The following DMRT1 variants were observed in gnomAD, a reference collection of about 807,000 sequenced individuals.
DMRT1 encodes the protein doublesex and mab-3 related transcription factor 1.
DMRT1 carries 7 observed loss-of-function variants against 32.3 expected under a neutral mutation model. That is an observed-to-expected ratio of 0.22 (90% CI 0.12 to 0.41). The LOEUF (loss-of-function observed/expected upper bound fraction) is 0.41, where lower values mean the gene tolerates loss of function less well. DMRT1 is among the 10% of genes least tolerant of loss of function. The probability of loss-of-function intolerance (pLI) is 1.00; values close to 1 mark genes in which losing one functional copy is unlikely to be tolerated. For missense variants in DMRT1, 625 were observed against 500.5 expected (o/e 1.25, Z -2.37); for synonymous variants, 278 against 206.1 (o/e 1.35, Z -2.99).
intron 3 of DMRT1, among the ~76,000 whole-genome samples, chr9:905,285 A>G (rs542359248): frequency 6.6e-6 from 1 of 152,320 alleles, no homozygotes; most frequent in African/African-American, 2.4e-5. Flanking sequence ...GTTCATACAT[A>G]GACTGAGGAA....
chr9:877,625 C>A (rs541656595), intron 2 of DMRT1, among the ~76,000 whole-genome samples: 22 of 152,268 alleles, frequency 1.4e-4, no homozygotes, highest in African/African-American at 5.3e-4. Context: ...AAAAAAGAAG[C>A]TAAATATGGA....
At chr9:920,555 A>C (rs886172003) in intron 4 of DMRT1, among the ~76,000 whole-genome samples, 5 of 152,228 alleles carry the variant, frequency 3.3e-5, no homozygotes, top group African/African-American at 1.2e-4. Context: ...TCAGGAGTGC[A>C]TGGGAGAGAA....
At chr9:939,706 G>A (rs1436802393) in intron 4 of DMRT1, among the ~76,000 whole-genome samples, 3 of 152,200 alleles carry the variant, frequency 2.0e-5, no homozygotes, top group Non-Finnish European at 4.4e-5. Flanking sequence ...AGCTCACGGG[G>A]GGAAAAGTCA....
intron 2 of DMRT1, 119 bp downstream of exon 2, chr9:847,262 G>A: frequency 8.9e-7 from 1 of 1,120,656 alleles, no homozygotes; most frequent in Non-Finnish European, 1.3e-6. Flanking sequence ...AGAGGATTCT[G>A]TAGAGGATTC....
chr9:851,930 A>G (rs1450122115), intron 2 of DMRT1, among the ~76,000 whole-genome samples: 1 of 140,410 alleles, frequency 7.1e-6, no homozygotes, highest in Non-Finnish European at 1.5e-5. Context: ...AGTTGTTAGC[A>G]GGTACACTTT....
At chr9:890,998 T>C (rs906289141) in intron 2 of DMRT1, among the ~76,000 whole-genome samples, 5 of 151,454 alleles carry the variant, frequency 3.3e-5, no homozygotes, top group African/African-American at 1.2e-4. Context: ...CCCAAAGTAC[T>C]GGGATTACAG....
chr9:919,613 T>C (rs1215821960), intron 4 of DMRT1, among the ~76,000 whole-genome samples: 1 of 152,204 alleles, frequency 6.6e-6, no homozygotes, highest in Non-Finnish European at 1.5e-5. Context: ...AGGCTTTTAT[T>C]TCAAGTGAGA....
intron 4 of DMRT1, among the ~76,000 whole-genome samples, chr9:935,602 A>C (rs75588559): frequency 6.6e-6 from 1 of 152,338 alleles, no homozygotes; most frequent in East Asian, 1.9e-4. Context: ...CTACATTTCT[A>C]TCAGCACTTG....
chr9:906,085 G>T (rs1355860803), intron 3 of DMRT1, among the ~76,000 whole-genome samples: 2 of 151,956 alleles, frequency 1.3e-5, no homozygotes, highest in African/African-American at 4.8e-5. Context: ...GTACTTTAGG[G>T]AACAGTGGTA....
Position 894,042 on chromosome 9 carries a change from C to A in DMRT1, c.669C>A (p.Asn223Lys). The A allele has an allele frequency of 6.2e-7, 1 of 1,614,276 alleles. No homozygotes were observed. Among genetic ancestry groups the A allele is most frequent in the South Asian group, 1.1e-5 (1 of 91,088 alleles). The change falls in exon 3 of 5, where the codon AAC becomes AAA. Residue 223 changes from asparagine (N) to lysine (K), a missense_variant. Transcript: ENST00000382276. ...AGCCGTCTCTGTTTCCTTATTACAA[C>A]AATCTATACAACTGCCCGCAGTACT... ...FYQPSLFPYY[N>K]NLYNCPQYSM...
chr9:870,476 C>T (rs961739888), intron 2 of DMRT1, among the ~76,000 whole-genome samples: 1 of 152,136 alleles, frequency 6.6e-6, no homozygotes, highest in African/African-American at 2.4e-5. Flanking sequence ...TTTGATGAGT[C>T]CGTCCCGTGA....
intron 2 of DMRT1, among the ~76,000 whole-genome samples, chr9:892,441 C>T (rs139696729): frequency 6.1e-4 from 93 of 152,252 alleles, no homozygotes; most frequent in African/African-American, 2.1e-3. Flanking sequence ...CTCTGCTCTA[C>T]ACACCCAGGC....
At position 857,093 on chromosome 9, in the gene DMRT1, T is replaced by A. The variant is rs1330433732; in HGVS notation, c.538+9950T>A. Among the ~76,000 whole-genome samples, 4 of 152,292 alleles carry A rather than the reference T, an allele frequency of 2.6e-5. No homozygotes were observed. In the East Asian group the frequency reaches 7.7e-4, roughly 29 times the overall value. On this transcript the variant is annotated intron_variant, in intron 2 of 4. Transcript: ENST00000382276. ...ACTTTGGGAGGCCGAGGTGGGTGGA[T>A]CACCTGAGGTCAGGAGTTCGAAACC...
chr9:957,322 A>G (rs1199133582), intron 4 of DMRT1, among the ~76,000 whole-genome samples: 1 of 152,266 alleles, frequency 6.6e-6, no homozygotes, highest in Admixed American at 6.5e-5. Flanking sequence ...CTTTAGGGTT[A>G]AAGTCCTTTC....
At chr9:889,052 T>C (rs953773711) in intron 2 of DMRT1, among the ~76,000 whole-genome samples, 1 of 152,072 alleles carries the variant, frequency 6.6e-6, no homozygotes. Context: ...TGTCAGTCTG[T>C]GGTGGGGCCC....
chr9:930,780 G>C (rs1208543420), intron 4 of DMRT1, among the ~76,000 whole-genome samples: 1 of 124,606 alleles, frequency 8.0e-6, no homozygotes, highest in East Asian at 2.1e-4. Flanking sequence ...TGGGCCTCAA[G>C]CGGCCTGTTT....
At chr9:846,918 T>A (rs748846835) in intron 1 of DMRT1, 42 bp from the exon 2 acceptor site, 1 of 1,613,186 alleles carries the variant, frequency 6.2e-7, no homozygotes, top group Non-Finnish European at 8.5e-7. Flanking sequence ...GCAAAGCTGA[T>A]TCTGGAGTGC....
intron 4 of DMRT1, among the ~76,000 whole-genome samples, chr9:944,488 A>G (rs112044841): frequency 5.3e-5 from 8 of 152,338 alleles, no homozygotes; most frequent in Admixed American, 2.0e-4. Context: ...GATTTGATAA[A>G]TAACATGGTA....
intron 2 of DMRT1, among the ~76,000 whole-genome samples, chr9:862,599 G>A (rs543474923): frequency 1.4e-4 from 21 of 152,266 alleles, no homozygotes; most frequent in African/African-American, 4.8e-4. Context: ...GAAGGGAACT[G>A]GGTGAGAGAT....
Sources: allele counts gnomAD v4.1 joint callset (sites outside exome capture counted in the v4.1 genomes callset), GRCh38; gene constraint gnomAD v4.1.1; transcripts MANE v1.5; gene names NCBI Gene and HGNC (gene_info 2026-07-23, HGNC 2026-07-21).